Variants in HS3ST3A1 observed in about 807,000 individuals in gnomAD.
HS3ST3A1 encodes heparan sulfate-glucosamine 3-sulfotransferase 3A1.
HS3ST3A1 carries 19 observed loss-of-function variants against 25.7 expected under a neutral mutation model. That is an observed-to-expected ratio of 0.74 (90% CI 0.52 to 1.08). The LOEUF is 1.08. Ranked by LOEUF, HS3ST3A1 falls within the 50% of genes least tolerant of loss-of-function variation. HS3ST3A1 has a pLI of 0.00. For synonymous variants in HS3ST3A1, 226 were observed against 278.6 expected (o/e 0.81, Z 1.88); for missense variants, 459 against 594.3 (o/e 0.77, Z 2.37).
chr17:13,560,224 A>C (rs1442864020), intron 1 of HS3ST3A1, among the ~76,000 whole-genome samples: 1 of 131,264 alleles, frequency 7.6e-6, no homozygotes, highest in Non-Finnish European at 1.6e-5. Context: ...CGAGAGGTGG[A>C]GGTTGCAGTG....
rs986306241 is a variant in HS3ST3A1, at chr17:13,495,382, A to T, written c.*815T>A. 6.6e-6 allele frequency among the ~76,000 whole-genome samples: 1 copy of T among 152,174 alleles called. No homozygotes were observed. Among genetic ancestry groups the T allele is most frequent in the African/African-American group, 2.4e-5 (1 of 41,444 alleles). On this transcript the variant is annotated 3_prime_UTR_variant, in exon 2 of 2. Coordinates refer to ENST00000284110, the MANE Select transcript of HS3ST3A1 (RefSeq NM_006042.3). ...GTCCAGGTCTCAGTGGTTTTCTTGG[A>T]CACAACTATGTAATGAGACTGGGTG...
intron 1 of HS3ST3A1, among the ~76,000 whole-genome samples, chr17:13,513,212 A>C (rs1485285178): frequency 3.9e-5 from 6 of 152,202 alleles, no homozygotes; most frequent in Non-Finnish European, 5.9e-5. Flanking sequence ...TAAACTTTCC[A>C]GATGAGGCAC....
At chr17:13,588,838 C>T (rs1168797936) in intron 1 of HS3ST3A1, among the ~76,000 whole-genome samples, 4 of 152,158 alleles carry the variant, frequency 2.6e-5, no homozygotes, top group African/African-American at 7.2e-5. Context: ...CGCCCACCAC[C>T]ACGCCCAGCT....
At chr17:13,526,503 T>C (rs975898442) in intron 1 of HS3ST3A1, among the ~76,000 whole-genome samples, 1 of 133,960 alleles carries the variant, frequency 7.5e-6, no homozygotes, top group Non-Finnish European at 1.6e-5. Context: ...TATATATATA[T>C]ATATATATAT....
chr17:13,515,892 GATGA>G (rs1906036663), intron 1 of HS3ST3A1, among the ~76,000 whole-genome samples: 1 of 152,026 alleles, frequency 6.6e-6, no homozygotes, highest in Non-Finnish European at 1.5e-5. Context: ...TTTTCCTATT[GATGA>G]ATGATGTTGA....
intron 1 of HS3ST3A1, among the ~76,000 whole-genome samples, chr17:13,593,354 T>C (rs1023727069): frequency 2.0e-5 from 3 of 152,194 alleles, no homozygotes; most frequent in African/African-American, 4.8e-5. Flanking sequence ...TTGTTCTCTA[T>C]GACAGGAAGC....
chr17:13,503,616 C>T (rs559268715), intron 1 of HS3ST3A1, among the ~76,000 whole-genome samples: 1 of 152,236 alleles, frequency 6.6e-6, no homozygotes, highest in African/African-American at 2.4e-5. Flanking sequence ...AATAAACACA[C>T]GAGAAGGCAC....
chr17:13,524,257 A>C (rs1458432469), intron 1 of HS3ST3A1, among the ~76,000 whole-genome samples: 1 of 152,066 alleles, frequency 6.6e-6, no homozygotes, highest in African/African-American at 2.4e-5. Flanking sequence ...TATCACATCA[A>C]AATTAAGCCT....
chr17:13,526,716 C>T (rs1463788961), intron 1 of HS3ST3A1, among the ~76,000 whole-genome samples: 7 of 151,794 alleles, frequency 4.6e-5, no homozygotes, highest in East Asian at 1.9e-4. Flanking sequence ...GGCATGATCT[C>T]GGCTTACAGC....
Position 13,600,593 on chromosome 17 carries a change from G to A in HS3ST3A1, c.537C>T (p.Arg179=). 3 of 1,600,706 alleles carry A rather than the reference G, an allele frequency of 1.9e-6. No individual in the cohort carries two copies. The highest frequency in any genetic ancestry group is 2.5e-6 in the Non-Finnish European group (3 of 1,178,126). ...LEFLRVHPDV[R]AVGAEPHFFD... is the part of the protein sequence containing the mutation. ...AGAAGTGGGGCTCGGCGCCCACGGC[G>A]CGCACGTCGGGGTGCACGCGCAGGA... The change falls in exon 1 of 2, where the codon CGC becomes CGT. Residue 179 remains arginine (R), a synonymous_variant. Transcript: ENST00000284110.
chr17:13,504,695 A>G (rs189189664), intron 1 of HS3ST3A1, among the ~76,000 whole-genome samples: 126 of 152,362 alleles, frequency 8.3e-4, no homozygotes, highest in Middle Eastern at 6.8e-3. Flanking sequence ...ATAATGCTCC[A>G]AGAAAAGCAT....
At chr17:13,578,095 A>C (rs1395128258) in intron 1 of HS3ST3A1, among the ~76,000 whole-genome samples, 1 of 152,190 alleles carries the variant, frequency 6.6e-6, no homozygotes, top group Non-Finnish European at 1.5e-5. Flanking sequence ...GTGAGCATTA[A>C]AGATTTAGTT....
chr17:13,574,407 G>T (rs1342124831), intron 1 of HS3ST3A1, among the ~76,000 whole-genome samples: 1 of 151,050 alleles, frequency 6.6e-6, no homozygotes, highest in Non-Finnish European at 1.5e-5. Context: ...CTGAGCCACT[G>T]CGCCCGGCCC....
At chr17:13,548,859 GCACCAATCAGCACTCTGTAAAAACA>G (rs1250997216) in intron 1 of HS3ST3A1, among the ~76,000 whole-genome samples, 3 of 151,986 alleles carry the variant, frequency 2.0e-5, no homozygotes, top group Non-Finnish European at 2.9e-5. Flanking sequence ...GTTTGTAAAT[GCACCAATCAGCACTCTGTAAAAACA>G]CACCAATCAG....
At chr17:13,546,527 A>G (rs1257340368) in intron 1 of HS3ST3A1, among the ~76,000 whole-genome samples, 1 of 152,152 alleles carries the variant, frequency 6.6e-6, no homozygotes, top group African/African-American at 2.4e-5. Context: ...CGGCCTCCCA[A>G]AGTGTTGGGA....
chr17:13,585,900 A>G (rs1598433747), intron 1 of HS3ST3A1, among the ~76,000 whole-genome samples: 1 of 120,892 alleles, frequency 8.3e-6, no homozygotes, highest in Admixed American at 1.1e-4. Context: ...CCCAGGCTGG[A>G]GTACAGTGGC....
At chr17:13,570,117 A>T (rs1258027706) in intron 1 of HS3ST3A1, among the ~76,000 whole-genome samples, 1 of 152,222 alleles carries the variant, frequency 6.6e-6, no homozygotes, top group Non-Finnish European at 1.5e-5. Context: ...AGAATTATTG[A>T]TATATGAATA....
At chr17:13,506,001 T>C (rs1598407976) in intron 1 of HS3ST3A1, among the ~76,000 whole-genome samples, 1 of 125,502 alleles carries the variant, frequency 8.0e-6, no homozygotes, top group African/African-American at 3.1e-5. Context: ...CACTCCAGCC[T>C]GGGCAACAGA....
intron 1 of HS3ST3A1, among the ~76,000 whole-genome samples, chr17:13,566,838 G>T (rs1427137762): frequency 6.6e-6 from 1 of 152,036 alleles, no homozygotes; most frequent in African/African-American, 2.4e-5. Context: ...TAGTTCATGG[G>T]GTTTAAAAAA....
Sources: allele counts gnomAD v4.1 joint callset (sites outside exome capture counted in the v4.1 genomes callset), GRCh38; gene constraint gnomAD v4.1.1; transcripts MANE v1.5; gene names NCBI Gene and HGNC (gene_info 2026-07-23, HGNC 2026-07-21).